Variants in LRRC15 observed in about 807,000 individuals in gnomAD.
LRRC15 encodes the protein leucine-rich repeat-containing protein 15.
LRRC15 carries 5 observed loss-of-function variants against 4.3 expected under a neutral mutation model. The ratio of observed to expected loss-of-function variants is 1.16; its 90% CI spans 0.61 to 2.44. The LOEUF is 2.44. Ranked by LOEUF, LRRC15 falls within the 30% of genes most tolerant of loss-of-function variation. The probability of loss-of-function intolerance (pLI) is 0.01; values close to 1 mark genes in which losing one functional copy is unlikely to be tolerated. For missense variants in LRRC15, 769 were observed against 747.0 expected, an observed-to-expected ratio of 1.03 and a Z score of -0.34; for synonymous variants, 337 against 323.2, an observed-to-expected ratio of 1.04 and a Z score of -0.46.
chr3:194,367,565 C>T (rs899170768), intron 1 of LRRC15, among the ~76,000 whole-genome samples: 7 of 152,224 alleles, frequency 4.6e-5, no homozygotes, highest in African/African-American at 1.7e-4. Flanking sequence ...CTCGGCCTCC[C>T]AAAGTGCTGA....
Position 194,360,739 on chromosome 3 carries a change from G to A in LRRC15, c.305C>T (p.Ser102Leu), listed in dbSNP as rs755593413. The A allele has an allele frequency of 3.7e-5, 59 of 1,614,066 alleles. 1 individual carries two copies. In the East Asian group the frequency reaches 1.0e-3, roughly 28 times the overall value. Residue 102 changes from serine to leucine, a missense_variant, in exon 2 of 2, where the codon TCG becomes TTG. Ser to Leu is a moderately radical substitution (Grantham distance 145). Coordinates refer to ENST00000347624, the MANE Select transcript of LRRC15 (RefSeq NM_130830.5). ...GTTGGCGAGGCTGAGATAGCGCAGC[G>A]AGCCCAGGTTTCGGAAGGCCCCAGG... ...ITPGAFRNLG[S>L]LRYLSLANNK...
chr3:194,358,958 C>G lies in LRRC15; in HGVS notation c.*340G>C, dbSNP rs1275111382. 6 of 237,100 alleles carry G rather than the reference C, an allele frequency of 2.5e-5. No individual in the cohort carries two copies. The highest frequency in any genetic ancestry group is 1.9e-4 in the South Asian group (2 of 10,308). The allele number at this position is 237,100 out of a possible 1,614,324, so 14.7% of individuals were successfully genotyped here. On this transcript the variant is annotated 3_prime_UTR_variant, in exon 2 of 2. Transcript: ENST00000347624. ...GTGGACTAACTGAGTCTACAGAGGC[C>G]CGGAGGGGGCCTGGGCGCAGGGAAG...
Position 194,369,650 on chromosome 3 carries a change from T to TC in LRRC15, c.-4+10_-4+11insG. 6.6e-6 allele frequency: 1 copy of TC among 152,312 alleles called. No individual in the cohort carries two copies. Among genetic ancestry groups the TC allele is most frequent in the South Asian group, 2.1e-4 (1 of 4,836 alleles). 9.4% of individuals were successfully genotyped at this position (152,312 alleles called of 1,614,324 possible). On this transcript the variant is annotated intron_variant, in intron 1 of 1. Transcript: ENST00000347624. ...GCAGAGAGGAGGGATGGGGGTGGCT[T>TC]GCCTACTTACCAGCAGCTCGGCGCC...
chr3:194,362,875 CT>C (rs1242654515), intron 1 of LRRC15, among the ~76,000 whole-genome samples: 1 of 151,964 alleles, frequency 6.6e-6, no homozygotes, highest in African/African-American at 2.4e-5. Flanking sequence ...TCCCTGCCCC[CT>C]CAACAAGCTT....
rs1576997570 is a variant in LRRC15 at position 194,359,070 on chromosome 3, C to T, written c.*228G>A. On this transcript the variant is annotated 3_prime_UTR_variant, in exon 2 of 2. Coordinates refer to ENST00000347624, the MANE Select transcript of LRRC15 (RefSeq NM_130830.5). ...GGGTATGAATCGGAAATCCCCAGGG[C>T]TTTTGCCATGGCCAGTTGGATCTAT... is the stretch of plus-strand genomic sequence containing the variant. 1 of 450,114 alleles carries T rather than the reference C, an allele frequency of 2.2e-6. No individual in the cohort carries two copies. The highest frequency in any genetic ancestry group is 4.0e-5 in the Admixed American group (1 of 25,114). 27.9% of individuals were successfully genotyped at this position (450,114 alleles called of 1,614,324 possible).
rs899639534 is a variant in LRRC15 at position 194,358,547 on chromosome 3, T to C, written c.*751A>G. The stretch of plus-strand genomic sequence containing the variant: ...CAAAGCAAAGTTTGCAGTTTGGAAA[T>C]ATCCTTCTCTAAAAGGCTGAGCTTG... On this transcript the variant is annotated 3_prime_UTR_variant, in exon 2 of 2. Coordinates refer to ENST00000347624, the MANE Select transcript of LRRC15 (RefSeq NM_130830.5). 2.6e-5 allele frequency: 4 copies of C among 152,492 alleles called. No individual in the cohort carries two copies. The highest frequency in any genetic ancestry group is 9.6e-5 in the African/African-American group (4 of 41,454). 9.4% of individuals were successfully genotyped at this position (152,492 alleles called of 1,614,324 possible). A position where few individuals can be genotyped will look rare whatever the true frequency, so the allele number is the denominator to read the frequency against.
chr3:194,361,381 C>G (rs1713624245), intron 1 of LRRC15, among the ~76,000 whole-genome samples: 1 of 152,244 alleles, frequency 6.6e-6, no homozygotes, highest in African/African-American at 2.4e-5. Context: ...ATGAAGTCGT[C>G]TTCCCAGTCT....
Position 194,360,522 on chromosome 3 carries a change from T to C in LRRC15, c.522A>G (p.Gly174=), listed in dbSNP as rs115927352. The C allele has an allele frequency of 1.9e-6, 3 of 1,614,000 alleles. No individual in the cohort carries two copies. In the East Asian group the frequency reaches 6.7e-5, roughly 36 times the overall value. ...TCTTGCCCAGATTGAGCTTCGTGAG[T>C]CCTACCAGGTGGTCGAAGGCTCCGT... The part of the protein sequence containing the change: ...IPDGAFDHLV[G]LTKLNLGKNS... Residue 174 remains glycine (G), a synonymous_variant, in exon 2 of 2, where the codon GGA becomes GGG. Transcript: ENST00000347624.
intron 1 of LRRC15, among the ~76,000 whole-genome samples, chr3:194,366,657 C>T (rs1037392282): frequency 6.6e-6 from 1 of 152,106 alleles, no homozygotes; most frequent in Non-Finnish European, 1.5e-5. Context: ...TTTCTCTCAG[C>T]GGCCCCTTCC....
Position 194,359,138 on chromosome 3 carries a change from G to T in LRRC15, c.*160C>A. 1 of 639,654 alleles carries T rather than the reference G, an allele frequency of 1.6e-6. No homozygotes were observed. Among genetic ancestry groups the T allele is most frequent in the Non-Finnish European group, 2.6e-6 (1 of 384,910 alleles). 39.6% of individuals were successfully genotyped at this position (639,654 alleles called of 1,614,324 possible). Reference sequence around the variant, plus strand: ...GGTCCGGCACGACCTGCTTCTCTACGGGAGAATCAGGCAAGTCAGGAAGAG... The same window carrying T: ...GGTCCGGCACGACCTGCTTCTCTACTGGAGAATCAGGCAAGTCAGGAAGAG... On this transcript the variant is annotated 3_prime_UTR_variant, in exon 2 of 2. Coordinates refer to ENST00000347624, the MANE Select transcript of LRRC15 (RefSeq NM_130830.5).
chr3:194,363,381 A>G (rs1224758437), intron 1 of LRRC15: 1 of 714,996 alleles, frequency 1.4e-6, no homozygotes. Flanking sequence ...CTAGATGCAA[A>G]GGAATGGGGC....
chr3:194,357,419 G>A lies in LRRC15; in HGVS notation c.*1879C>T, dbSNP rs912970428. 2.0e-5 allele frequency: 3 copies of A among 152,204 alleles called. No homozygotes were observed. Among genetic ancestry groups the A allele is most frequent in the African/African-American group, 4.8e-5 (2 of 41,440 alleles). The allele number at this position is 152,204 out of a possible 1,614,324, so 9.4% of individuals were successfully genotyped here. Reference sequence around the variant, plus strand: ...ATTGGTCGTGGATTTCCAGATCCCCGTGGAGTCAGCTGAAGTTCTTTCCTG... The same window carrying A: ...ATTGGTCGTGGATTTCCAGATCCCCATGGAGTCAGCTGAAGTTCTTTCCTG... On this transcript the variant is annotated 3_prime_UTR_variant, in exon 2 of 2. Coordinates refer to ENST00000347624, the MANE Select transcript of LRRC15 (RefSeq NM_130830.5).
chr3:194,362,708 G>A (rs4300954), intron 1 of LRRC15, among the ~76,000 whole-genome samples: 30,251 of 151,992 alleles, frequency 0.2, 3,198 homozygotes, highest in Non-Finnish European at 0.24. Context: ...GTCAGAGGAA[G>A]GAATTTCAAA....
At chr3:194,362,702 G>GA (rs1180051102) in intron 1 of LRRC15, among the ~76,000 whole-genome samples, 1 of 152,158 alleles carries the variant, frequency 6.6e-6, no homozygotes, top group African/African-American at 2.4e-5. Flanking sequence ...TCCTGAGTCA[G>GA]AGGAAGGAAT....
Position 194,357,508 on chromosome 3 carries a change from A to C in LRRC15, c.*1790T>G, listed in dbSNP as rs576539807. The stretch of plus-strand genomic sequence containing the variant: ...AACTGGGCCAGTTGTCCAGAGAAAG[A>C]CACACGTTGCCATGAGCCTAACTTC... On this transcript the variant is annotated 3_prime_UTR_variant, in exon 2 of 2. Coordinates refer to ENST00000347624, the MANE Select transcript of LRRC15 (RefSeq NM_130830.5). 1.3e-5 allele frequency: 2 copies of C among 152,182 alleles called. No homozygotes were observed. The highest frequency in any genetic ancestry group is 2.9e-5 in the Non-Finnish European group (2 of 68,036). 9.4% of individuals were successfully genotyped at this position (152,182 alleles called of 1,614,324 possible).
rs779285673 is a variant in LRRC15 at position 194,360,134 on chromosome 3, G to T, written c.910C>A (p.His304Asn). 8 of 1,614,226 alleles carry T rather than the reference G, an allele frequency of 5.0e-6. No individual in the cohort carries two copies. The Admixed American group carries it at 1.3e-4, about 27-fold the overall frequency. Reference sequence around the variant, plus strand: ...ACATTGTCGGGTAGAGAAGAGATGTGGTTGTCATAGAGCCAAAGCTCCCGC... The same window carrying T: ...ACATTGTCGGGTAGAGAAGAGATGTTGTTGTCATAGAGCCAAAGCTCCCGC... ...NLRELWLYDNHISSLPDNVFS... is the reference protein window; with the variant it reads ...NLRELWLYDNNISSLPDNVFS... Residue 304 changes from histidine to asparagine, a missense_variant, in exon 2 of 2, where the codon CAC (histidine) becomes AAC (asparagine). Physicochemically the swap from His to Asn is moderately conservative, Grantham distance 68 (BLOSUM62 1). Transcript: ENST00000347624.
Position 194,355,329 on chromosome 3 carries a change from C to T in LRRC15, c.*3969G>A, listed in dbSNP as rs1713395019. The T allele has an allele frequency of 6.6e-6, 1 of 152,282 alleles. No individual in the cohort carries two copies. Among genetic ancestry groups the T allele is most frequent in the Non-Finnish European group, 1.5e-5 (1 of 68,094 alleles). The allele number at this position is 152,282 out of a possible 1,614,324, so 9.4% of individuals were successfully genotyped here. On this transcript the variant is annotated 3_prime_UTR_variant, in exon 2 of 2. Transcript: ENST00000347624. Reference sequence around the variant, plus strand: ...CCAGCAGAAGACAGACCCCCCAACCCTGCCCACCAGGGCTCACACTCTACA... The same window carrying T: ...CCAGCAGAAGACAGACCCCCCAACCTTGCCCACCAGGGCTCACACTCTACA...
Position 194,360,668 on chromosome 3 carries a change from T to C in LRRC15, c.376A>G (p.Ser126Gly), listed in dbSNP as rs1225721349. Residue 126 changes from serine (S) to glycine (G), a missense_variant, in exon 2 of 2, where the codon AGC (serine) becomes GGC (glycine). Physicochemically the swap from Ser to Gly is moderately conservative, Grantham distance 56. Coordinates refer to ENST00000347624, the MANE Select transcript of LRRC15 (RefSeq NM_130830.5). ...CTGGACAGAAGGAGAGACTCGAGGC[T>C]GTCCAGGCCCTGGAAGAGGCCGATG... Reference protein sequence around the residue: ...LPIGLFQGLDSLESLLLSSNQ... With the variant: ...LPIGLFQGLDGLESLLLSSNQ... 1.1e-5 allele frequency: 18 copies of C among 1,614,058 alleles called. No homozygotes were observed. Among genetic ancestry groups the C allele is most frequent in the Non-Finnish European group, 1.4e-5 (17 of 1,180,028 alleles).
At chr3:194,369,449 G>A (rs1451981311) in intron 1 of LRRC15, among the ~76,000 whole-genome samples, 1 of 152,220 alleles carries the variant, frequency 6.6e-6, no homozygotes, top group Non-Finnish European at 1.5e-5. Context: ...TCAGCAGAGG[G>A]GCTGGTGGTC....
Sources: gnomAD v4.1 joint callset for allele counts (sites outside exome capture counted in the v4.1 genomes callset) on GRCh38, gnomAD v4.1.1 for gene constraint, MANE v1.5 for transcripts, NCBI Gene and HGNC (gene_info 2026-07-23, HGNC 2026-07-21) for gene names.